C1orf185: variants seen among roughly 807,000 people sequenced by gnomAD.
C1orf185 encodes the protein uncharacterized protein C1orf185.
In C1orf185, 13 loss-of-function variants were observed where a neutral mutation model predicts 16.1. That is an observed-to-expected ratio of 0.81 (90% CI 0.53 to 1.28). C1orf185 has a LOEUF of 1.28. Ranked by LOEUF, C1orf185 falls within the 50% of genes most tolerant of loss-of-function variation. The probability of loss-of-function intolerance (pLI) is 0.00; values close to 1 mark genes in which losing one functional copy is unlikely to be tolerated. For synonymous variants in C1orf185, 80 were observed against 76.9 expected, an observed-to-expected ratio of 1.04 and a Z score of -0.21; for missense variants, 220 against 225.2, an observed-to-expected ratio of 0.98 and a Z score of 0.15.
chr1:51,134,773 C>T (rs1054628753), intron 3 of C1orf185, among the ~76,000 whole-genome samples: 1 of 152,112 alleles, frequency 6.6e-6, no homozygotes, highest in Non-Finnish European at 1.5e-5. Flanking sequence ...AATTCCTGGA[C>T]ACATACTTCC....
chr1:51,114,059 C>G (rs181280369), intron 2 of C1orf185, among the ~76,000 whole-genome samples: 1 of 152,234 alleles, frequency 6.6e-6, no homozygotes, highest in Non-Finnish European at 1.5e-5. Flanking sequence ...TTAGAAGGAA[C>G]CAGACATAGG....
intron 3 of C1orf185, among the ~76,000 whole-genome samples, chr1:51,133,361 A>G (rs910257275): frequency 2.0e-5 from 3 of 152,226 alleles, no homozygotes; most frequent in Non-Finnish European, 4.4e-5. Flanking sequence ...ATGATGAAAA[A>G]TCTACCAAGC....
At chr1:51,128,562 G>T (rs1011990902) in intron 3 of C1orf185, among the ~76,000 whole-genome samples, 23 of 151,946 alleles carry the variant, frequency 1.5e-4, no homozygotes, top group Admixed American at 1.1e-3. Flanking sequence ...GTGTGGTGGT[G>T]CTTGCCTGTA....
chr1:51,133,440 G>T (rs1646300104), intron 3 of C1orf185, among the ~76,000 whole-genome samples: 3 of 152,154 alleles, frequency 2.0e-5, no homozygotes, highest in African/African-American at 2.4e-5. Context: ...AACCAGCAAA[G>T]ATTTTAAAAA....
intron 1 of C1orf185, among the ~76,000 whole-genome samples, chr1:51,106,028 G>T (rs1646068261): frequency 6.6e-6 from 1 of 152,130 alleles, no homozygotes; most frequent in Non-Finnish European, 1.5e-5. Flanking sequence ...GGCTGGAATG[G>T]TGTACTAATC....
intron 1 of C1orf185, among the ~76,000 whole-genome samples, chr1:51,106,992 T>C (rs1450910500): frequency 1.3e-5 from 2 of 152,070 alleles, no homozygotes; most frequent in African/African-American, 2.4e-5. Flanking sequence ...CTCCTGACCT[T>C]GTGATCCGCC....
At chr1:51,103,410 A>C (rs866669970) in intron 1 of C1orf185, among the ~76,000 whole-genome samples, 12 of 128,892 alleles carry the variant, frequency 9.3e-5, no homozygotes, top group African/African-American at 3.7e-4. Context: ...TGTCTCGAAA[A>C]ACACACACAC....
At chr1:51,108,694 C>T (rs1646091546) in intron 1 of C1orf185, among the ~76,000 whole-genome samples, 1 of 152,100 alleles carries the variant, frequency 6.6e-6, no homozygotes, top group South Asian at 2.1e-4. Context: ...TCTTTCTGTT[C>T]CTGGCTTATT....
At chr1:51,150,793 G>A (rs956255074), downstream of C1orf185, among the ~76,000 whole-genome samples, 1 of 152,162 alleles carries the variant, frequency 6.6e-6, no homozygotes, top group Non-Finnish European at 1.5e-5. Flanking sequence ...ACATCCTTTT[G>A]CATTATTTCC....
chr1:51,147,693 A>G lies in C1orf185; in HGVS notation c.522A>G (p.Leu174=). 2 of 1,551,454 alleles carry G rather than the reference A, an allele frequency of 1.3e-6. No individual in the cohort carries two copies. The highest frequency in any genetic ancestry group is 1.7e-4 in the Middle Eastern group (1 of 5,986). The part of the protein sequence containing the change: ...NSPMPSLGEP[L]MEKVFSYLST... Reference sequence around the variant, plus strand: ...CAATGCCTTCTCTCGGGGAACCTCTAATGGAAAAAGTATTTTCATACCTGT... The same window carrying G: ...CAATGCCTTCTCTCGGGGAACCTCTGATGGAAAAAGTATTTTCATACCTGT... The change falls in exon 5 of 5, where the codon CTA becomes CTG. Residue 174 remains leucine, a synonymous_variant. Transcript: ENST00000371759.
chr1:51,131,976 A>C (rs1203505972), intron 3 of C1orf185, among the ~76,000 whole-genome samples: 1 of 152,318 alleles, frequency 6.6e-6, no homozygotes, highest in African/African-American at 2.4e-5. Context: ...TAGAGCACAC[A>C]GTCTAGGAAT....
chr1:51,111,884 C>A (rs1646123552), intron 1 of C1orf185, among the ~76,000 whole-genome samples: 1 of 151,996 alleles, frequency 6.6e-6, no homozygotes. Context: ...GGCTGGTATC[C>A]AACTCCTGGC....
chr1:51,136,007 C>A lies in C1orf185; in HGVS notation c.259-9717C>A, dbSNP rs528202784. On this transcript the variant is annotated intron_variant, in intron 3 of 4. Transcript: ENST00000371759. The stretch of plus-strand genomic sequence containing the variant: ...CAAAAATTACTAACGTTCCTATACA[C>A]CAACAACAGTCAAGTTGAGAACCAA... 2.0e-5 allele frequency among the ~76,000 whole-genome samples: 3 copies of A among 152,280 alleles called. No homozygotes were observed. The East Asian group carries it at 5.8e-4, about 29-fold the overall frequency.
At chr1:51,111,231 GT>G (rs1262241697) in intron 1 of C1orf185, among the ~76,000 whole-genome samples, 1 of 151,792 alleles carries the variant, frequency 6.6e-6, no homozygotes, top group East Asian at 1.9e-4. Context: ...CATAACCTTA[GT>G]TTATTACTTT....
intron 3 of C1orf185, 93 bp from the exon 4 acceptor site, chr1:51,145,631 T>C: frequency 3.3e-6 from 2 of 603,288 alleles, no homozygotes; most frequent in Non-Finnish European, 5.2e-6. Flanking sequence ...AAAATTATAA[T>C]GTTAAACTGT....
At chr1:51,131,440 T>C (rs1211609068) in intron 3 of C1orf185, among the ~76,000 whole-genome samples, 1 of 152,216 alleles carries the variant, frequency 6.6e-6, no homozygotes, top group Non-Finnish European at 1.5e-5. Context: ...TATTAAGAGT[T>C]TGTCACTTTC....
chr1:51,120,595 A>G (rs1646190811), intron 3 of C1orf185, among the ~76,000 whole-genome samples: 1 of 152,240 alleles, frequency 6.6e-6, no homozygotes, highest in African/African-American at 2.4e-5. Flanking sequence ...TTTCGAATGA[A>G]GGACAGTTTG....
At chr1:51,109,904 T>A (rs952087434) in intron 1 of C1orf185, among the ~76,000 whole-genome samples, 2 of 152,212 alleles carry the variant, frequency 1.3e-5, no homozygotes, top group Non-Finnish European at 2.9e-5. Context: ...CATTTTAGAA[T>A]TTTTTCCTAT....
At chr1:51,134,571 A>AAAAAT (rs759073158) in intron 3 of C1orf185, among the ~76,000 whole-genome samples, 28 of 152,184 alleles carry the variant, frequency 1.8e-4, no homozygotes, top group South Asian at 4.1e-4. Flanking sequence ...GGTTTTCTGA[A>AAAAAT]AAAATAAAAT....
Sources: allele counts gnomAD v4.1 joint callset (sites outside exome capture counted in the v4.1 genomes callset), GRCh38; gene constraint gnomAD v4.1.1; transcripts MANE v1.5; gene names NCBI Gene and HGNC (gene_info 2026-07-23, HGNC 2026-07-21).